HYCC2: variants seen among roughly 807,000 people sequenced by gnomAD.
HYCC2 encodes hyccin 2.
At chr2:201,013,077 A>G in the HYCC2 span, among the ~76,000 whole-genome samples, 1 of 152,006 alleles carries the variant, frequency 6.6e-6, no homozygotes, top group East Asian at 1.9e-4. Flanking sequence ...AACTCATATT[A>G]GCATACATCA....
At chr2:201,034,805 G>A in the HYCC2 span, among the ~76,000 whole-genome samples, 2 of 152,172 alleles carry the variant, frequency 1.3e-5, no homozygotes, top group East Asian at 1.9e-4. Flanking sequence ...AGGCCTGGTG[G>A]TGACAAAATC....
the HYCC2 span, among the ~76,000 whole-genome samples, chr2:201,069,370 T>C: frequency 7.2e-5 from 11 of 152,186 alleles, no homozygotes; most frequent in Admixed American, 2.6e-4. Context: ...CTATAACGTA[T>C]AAACGATCAT....
At chr2:201,036,319 G>A in the HYCC2 span, among the ~76,000 whole-genome samples, 1 of 152,214 alleles carries the variant, frequency 6.6e-6, no homozygotes, top group Non-Finnish European at 1.5e-5. Flanking sequence ...GAGGTATAAG[G>A]AGGAGCTGGT....
the HYCC2 span, among the ~76,000 whole-genome samples, chr2:201,014,597 G>A: frequency 6.6e-6 from 1 of 152,100 alleles, no homozygotes; most frequent in African/African-American, 2.4e-5. Context: ...AAGTGGCAGG[G>A]CATGGTTCTG....
the HYCC2 span, among the ~76,000 whole-genome samples, chr2:201,065,511 T>C: frequency 6.6e-6 from 1 of 152,264 alleles, no homozygotes; most frequent in South Asian, 2.1e-4. Flanking sequence ...GACACTGAGA[T>C]GTAAATAGCG....
the HYCC2 span, among the ~76,000 whole-genome samples, chr2:201,025,351 T>C: frequency 2.5e-3 from 376 of 152,012 alleles, 3 homozygotes; most frequent in African/African-American, 8.7e-3. Flanking sequence ...GGAAATATAA[T>C]AATAAACAAA....
the HYCC2 span, among the ~76,000 whole-genome samples, chr2:201,058,481 C>T: frequency 2.3e-4 from 35 of 152,318 alleles, no homozygotes; most frequent in African/African-American, 7.7e-4. Flanking sequence ...GAAGCCAAGG[C>T]GGGTGGATCG....
chr2:201,053,661 A>T, the HYCC2 span, among the ~76,000 whole-genome samples: 1 of 152,194 alleles, frequency 6.6e-6, no homozygotes, highest in African/African-American at 2.4e-5. Flanking sequence ...ATCTCAGGGA[A>T]GATCAGAAAA....
the HYCC2 span, among the ~76,000 whole-genome samples, chr2:201,065,332 T>G: frequency 6.6e-6 from 1 of 152,254 alleles, no homozygotes; most frequent in Non-Finnish European, 1.5e-5. Flanking sequence ...TGCACTATAG[T>G]CTATTTAACC....
chr2:201,008,859 A>G, the HYCC2 span: 1 of 674,756 alleles, frequency 1.5e-6, no homozygotes, highest in Admixed American at 2.4e-5. Context: ...GTTTGTGGCT[A>G]CAAACTACAT....
At chr2:201,050,236 AAAAC>A in the HYCC2 span, among the ~76,000 whole-genome samples, 3 of 151,664 alleles carry the variant, frequency 2.0e-5, no homozygotes, top group Non-Finnish European at 1.5e-5. Flanking sequence ...AATTCCCCCC[AAAAC>A]AAACAAAAAA....
At chr2:201,069,031 A>C in the HYCC2 span, among the ~76,000 whole-genome samples, 7 of 152,294 alleles carry the variant, frequency 4.6e-5, no homozygotes, top group African/African-American at 1.7e-4. Context: ...AAAAAGAACA[A>C]TACAAAGTAC....
At chr2:200,973,977 T>C in the HYCC2 span, 1 of 152,128 alleles carries the variant, frequency 6.6e-6, no homozygotes, top group African/African-American at 2.4e-5. Context: ...ATCAACAGCA[T>C]TAATCGGTTC....
At chr2:201,056,193 CA>C in the HYCC2 span, among the ~76,000 whole-genome samples, 27 of 135,336 alleles carry the variant, frequency 2.0e-4, no homozygotes, top group Admixed American at 2.9e-4. Context: ...GACTCCGTCT[CA>C]AAAAAAAAAA....
At chr2:201,038,638 C>A in the HYCC2 span, among the ~76,000 whole-genome samples, 1 of 151,840 alleles carries the variant, frequency 6.6e-6, no homozygotes, top group African/African-American at 2.4e-5. Flanking sequence ...CAAACTATCG[C>A]AAGGACAAAA....
chr2:201,057,041 AAG>A, the HYCC2 span, among the ~76,000 whole-genome samples: 2 of 152,228 alleles, frequency 1.3e-5, no homozygotes, highest in African/African-American at 4.8e-5. Flanking sequence ...ACTGCTTCTG[AAG>A]AGAGCTATGC....
chr2:201,058,384 A>C, the HYCC2 span, among the ~76,000 whole-genome samples: 11 of 152,348 alleles, frequency 7.2e-5, no homozygotes, highest in Non-Finnish European at 1.0e-4. Context: ...ACAACCAGCC[A>C]TAATATTTTT....
At chr2:201,035,430 C>T in the HYCC2 span, among the ~76,000 whole-genome samples, 77 of 152,292 alleles carry the variant, frequency 5.1e-4, no homozygotes, top group African/African-American at 1.8e-3. Flanking sequence ...ACGTCGTTCT[C>T]GTGCCGTGGT....
the HYCC2 span, chr2:200,988,186 C>T: frequency 7.2e-6 from 9 of 1,258,706 alleles, no homozygotes; most frequent in East Asian, 2.5e-5. Context: ...TTTAATATCA[C>T]GTGCTAAGAC....
Sources: allele counts gnomAD v4.1 joint callset (sites outside exome capture counted in the v4.1 genomes callset), GRCh38; gene constraint gnomAD v4.1.1; transcripts MANE v1.5; gene names NCBI Gene and HGNC (gene_info 2026-07-23, HGNC 2026-07-21).